Variants in RTKN observed in about 807,000 individuals in gnomAD.
RTKN encodes rhotekin.
In RTKN, 49 loss-of-function variants were observed where a neutral mutation model predicts 63.5. The ratio of observed to expected loss-of-function variants is 0.77; its 90% CI spans 0.61 to 0.98. RTKN has a LOEUF of 0.98. Among genes scored for constraint, RTKN ranks in the 50% least tolerant of loss-of-function variants. The pLI, the probability that RTKN is intolerant of heterozygous loss-of-function variation, is 0.00. For synonymous variants in RTKN, 295 were observed against 290.4 expected (o/e 1.02, Z -0.16); for missense variants, 685 against 740.8 (o/e 0.92, Z 0.87).
intron 7 of RTKN, 38 bp from the exon 8 acceptor site, chr2:74,428,775 G>A (rs1431577798): frequency 1.9e-6 from 3 of 1,606,276 alleles, no homozygotes; most frequent in Non-Finnish European, 2.6e-6. Flanking sequence ...GTAGGGGAAT[G>A]AGAAGGGGAC....
In RTKN at chr2:74,427,605, G is replaced by A. The variant is rs1670480779; in HGVS notation, c.1087-13C>T. On this transcript the variant is annotated splice_polypyrimidine_tract_variant and intron_variant, in intron 9 of 11. Coordinates refer to ENST00000272430, the MANE Select transcript of RTKN (RefSeq NM_001015055.2). ...GGACTCGAGTCTCCTGCAGGAGAAA[G>A]AAGAGGTCTACCTTGGTCACAGAAG... 1 of 1,610,714 alleles carries A rather than the reference G, an allele frequency of 6.2e-7. No individual in the cohort carries two copies. Among genetic ancestry groups the A allele is most frequent in the African/African-American group, 1.3e-5 (1 of 74,788 alleles).
At chr2:74,433,900 A>G (rs977760265) in intron 1 of RTKN, among the ~76,000 whole-genome samples, 1 of 152,222 alleles carries the variant, frequency 6.6e-6, no homozygotes, top group African/African-American at 2.4e-5. Context: ...CATTAAGGAA[A>G]GAGATATGCA....
chr2:74,439,771 A>G, intron 1 of RTKN: 4 of 1,488,164 alleles, frequency 2.7e-6, no homozygotes, highest in Non-Finnish European at 3.6e-6. Flanking sequence ...AGCTGCCCTT[A>G]TCCCTCTGCA....
Position 74,430,094 on chromosome 2 carries a change from G to A in RTKN, c.546-57C>T. ...GGAAAGTCCAGGGAGGCAGAGGGTA[G>A]GGGATGTGGGTGAGGCAAGTGCAGG... On this transcript the variant is annotated intron_variant, in intron 5 of 11. Coordinates refer to ENST00000272430, the MANE Select transcript of RTKN (RefSeq NM_001015055.2). 2.5e-6 allele frequency: 4 copies of A among 1,593,650 alleles called. No homozygotes were observed. In the South Asian group the frequency reaches 4.4e-5, roughly 18 times the overall value.
chr2:74,436,935 C>A lies in RTKN; in HGVS notation c.112-4269G>T, dbSNP rs577888188. Reference sequence around the variant, plus strand: ...GGGCAGCATTTCCCCTGGGAAAGAGCGCAGAGCTGGGTGTCAGCTGGACCC... The same window carrying A: ...GGGCAGCATTTCCCCTGGGAAAGAGAGCAGAGCTGGGTGTCAGCTGGACCC... On this transcript the variant is annotated intron_variant, in intron 1 of 11. Coordinates refer to ENST00000272430, the MANE Select transcript of RTKN (RefSeq NM_001015055.2). The surrounding 1 kb of genome is among the most constrained non-coding windows in gnomAD (Gnocchi z 4.3). 2.0e-5 allele frequency among the ~76,000 whole-genome samples: 3 copies of A among 152,156 alleles called. No individual in the cohort carries two copies. The highest frequency in any genetic ancestry group is 4.1e-4 in the South Asian group (2 of 4,832).
rs1469726695 is a variant in RTKN at position 74,426,307 on chromosome 2, G to T, written c.1628C>A (p.Ser543Tyr). ...RSVAPLPPQR[S>Y]PRTRGLCSKG... ...GCTGCAGAGGCCTCTGGTCCGTGGG[G>T]ATCGCTGAGGTGGGAGGGGGGCAAC... Residue 543 changes from serine to tyrosine, a missense_variant, in exon 12 of 12, where the codon TCC becomes TAC. Coordinates refer to ENST00000272430, the MANE Select transcript of RTKN (RefSeq NM_001015055.2). The T allele has an allele frequency of 3.1e-6, 5 of 1,613,906 alleles. No homozygotes were observed. Among genetic ancestry groups the T allele is most frequent in the Non-Finnish European group, 4.2e-6 (5 of 1,179,966 alleles).
chr2:74,440,253 TG>T, intron 1 of RTKN: 1 of 667,678 alleles, frequency 1.5e-6, no homozygotes, highest in Non-Finnish European at 1.9e-6. Context: ...GCCCAGGGAA[TG>T]GGACAAAGGG....
chr2:74,432,183 C>A, intron 2 of RTKN: 1 of 569,374 alleles, frequency 1.8e-6, no homozygotes, highest in Non-Finnish European at 3.2e-6. Flanking sequence ...GGATCACAGA[C>A]AGGGCTTAGC....
chr2:74,439,794 C>T, intron 1 of RTKN: 1 of 1,422,340 alleles, frequency 7.0e-7, no homozygotes, highest in South Asian at 1.5e-5. Context: ...CCTGTTAAAC[C>T]CCTCTGGCTG....
intron 9 of RTKN, 96 bp downstream of exon 9, chr2:74,428,172 C>A (rs1348754027): frequency 6.5e-7 from 1 of 1,546,800 alleles, no homozygotes; most frequent in Non-Finnish European, 8.9e-7. Flanking sequence ...AGGCCTGCTT[C>A]TATCTCTCTG....
At position 74,430,534 on chromosome 2, in the gene RTKN, G is replaced by A. The variant is rs780088414; in HGVS notation, c.374-16C>T. On this transcript the variant is annotated splice_polypyrimidine_tract_variant and intron_variant, in intron 3 of 11. Coordinates refer to ENST00000272430, the MANE Select transcript of RTKN (RefSeq NM_001015055.2). ...ATCCGGAGGTCTAAGGGGCAGAGGG[G>A]TAAGAATAGATGTTGAGATGGGGCA... is the stretch of plus-strand genomic sequence containing the variant. The A allele has an allele frequency of 6.2e-7, 1 of 1,614,104 alleles. No homozygotes were observed. Among genetic ancestry groups the A allele is most frequent in the Non-Finnish European group, 8.5e-7 (1 of 1,179,940 alleles).
rs951979953 is a variant in RTKN at position 74,427,347 on chromosome 2, T to C, written c.1256-74A>G. On this transcript the variant is annotated intron_variant, in intron 10 of 11. Transcript: ENST00000272430. ...CTGCTACATTCCCTTCCACATAATCTTGAAACAGAGGCCTTTAGTAAAAAT... is the reference window on the plus strand; with the variant it reads ...CTGCTACATTCCCTTCCACATAATCCTGAAACAGAGGCCTTTAGTAAAAAT... 3 of 1,607,836 alleles carry C rather than the reference T, an allele frequency of 1.9e-6. No homozygotes were observed. In the Admixed American group the frequency reaches 5.0e-5, roughly 27 times the overall value.
chr2:74,427,235 C>A lies in RTKN; in HGVS notation c.1294G>T (p.Glu432Ter). Residue 432 changes from glutamate to a stop codon, truncating the protein, a stop_gained, in exon 11 of 12, where the codon GAA (glutamate) becomes TAA (stop). Transcript: ENST00000272430. LOFTEE classifies it high-confidence loss of function. ...KQCCDEIMKIETPAPRKPPQA... is the reference protein window; with the variant it reads ...KQCCDEIMKI ...GGTGGTTTCCGGGGAGCAGGAGTTT[C>A]AATTTTCATGATTTCATCACAGCAC... The A allele has an allele frequency of 6.2e-7, 1 of 1,614,174 alleles. No homozygotes were observed. The highest frequency in any genetic ancestry group is 2.2e-5 in the East Asian group (1 of 44,886).
At position 74,430,023 on chromosome 2, in the gene RTKN, G is replaced by C. The variant is rs1670652416; in HGVS notation, c.560C>G (p.Pro187Arg). Residue 187 changes from proline (P) to arginine (R), a missense_variant, in exon 6 of 12, where the codon CCA becomes CGA. Coordinates refer to ENST00000272430, the MANE Select transcript of RTKN (RefSeq NM_001015055.2). ...CAGCTCTAACCGCAGTTCAAAGTCT[G>C]GCCCCGCCTCAGCGCTGGTGGGAGG... ...QSNVLFAEAG[P>R]DFELRLELYG... The C allele has an allele frequency of 6.2e-7, 1 of 1,614,086 alleles. No homozygotes were observed. The highest frequency in any genetic ancestry group is 1.1e-5 in the South Asian group (1 of 91,086).
Position 74,428,385 on chromosome 2 carries a change from C to T in RTKN, c.969G>A (p.Glu323=). The change falls in exon 9 of 12, where the codon GAG becomes GAA. Residue 323 remains glutamate (E), a synonymous_variant. Transcript: ENST00000272430. ...SGTLRVQQAG[E]MQNWAQVHGV... ...CATGCACTTGTGCCCAGTTCTGCAT[C>T]TCCCCAGCTTGCTGCACAAATGACT... The T allele has an allele frequency of 6.2e-7, 1 of 1,614,178 alleles. No homozygotes were observed. The highest frequency in any genetic ancestry group is 1.1e-5 in the South Asian group (1 of 91,086).
Position 74,440,962 on chromosome 2 carries a change from T to C in RTKN, c.111+744A>G, listed in dbSNP as rs182248463. Among the ~76,000 whole-genome samples the C allele has an allele frequency of 1.3e-3, 197 of 152,330 alleles. 1 individual carries two copies. The highest frequency in any genetic ancestry group is 9.7e-4 in the Non-Finnish European group (66 of 68,022). On this transcript the variant is annotated intron_variant, in intron 1 of 11. Coordinates refer to ENST00000272430, the MANE Select transcript of RTKN (RefSeq NM_001015055.2). ...TCCTTGGGCGAGTGTGAGTCTGACC[T>C]TGGGGACAGAAGAGTCTTCGGGGTA...
chr2:74,427,912 A>G, intron 9 of RTKN: 1 of 471,884 alleles, frequency 2.1e-6, no homozygotes, highest in Non-Finnish European at 3.8e-6. Flanking sequence ...AGCCCATAAA[A>G]GGGATAGGGA....
At chr2:74,430,142 G>T in intron 5 of RTKN, 105 bp from the exon 6 acceptor site, 2 of 1,497,686 alleles carry the variant, frequency 1.3e-6, no homozygotes, top group Non-Finnish European at 1.8e-6. Flanking sequence ...AGAAGGCCAG[G>T]TGCCCCTCCT....
At chr2:74,432,308 C>T (rs747693896) in intron 2 of RTKN, 159 bp downstream of exon 2, 1 of 782,706 alleles carries the variant, frequency 1.3e-6, no homozygotes, top group South Asian at 1.4e-5. Flanking sequence ...GGGCAACACA[C>T]AGTGGTGGTA....
Sources: allele counts gnomAD v4.1 joint callset (sites outside exome capture counted in the v4.1 genomes callset), GRCh38; gene constraint gnomAD v4.1.1; non-coding constraint Gnocchi (gnomAD v3.1); transcripts MANE v1.5; gene names NCBI Gene and HGNC (gene_info 2026-07-23, HGNC 2026-07-21).